Variants in MIB1 observed in about 807,000 individuals in gnomAD.
MIB1 encodes the protein MIB E3 ubiquitin protein ligase 1, also known as E3 ubiquitin-protein ligase MIB1.
MIB1 carries 278 observed loss-of-function variants against 124.5 expected under a neutral mutation model. The observed-to-expected ratio is 2.23, with a 90% CI of 2.02 to 2.47. The LOEUF (loss-of-function observed/expected upper bound fraction) is 2.47, where lower values mean the gene tolerates loss of function less well. MIB1 is among the 30% of genes most tolerant of loss of function. The pLI is 0.00. For missense variants in MIB1, 957 were observed against 1,254.4 expected (o/e 0.76, Z 3.58); for synonymous variants, 446 against 429.4 (o/e 1.04, Z -0.48).
At chr18:21,779,893 T>C (rs1035418908) in intron 6 of MIB1, among the ~76,000 whole-genome samples, 13 of 148,794 alleles carry the variant, frequency 8.7e-5, no homozygotes, top group Admixed American at 2.0e-4. Context: ...TGTGTGTGTC[T>C]TGTGTGTGTA....
intron 1 of MIB1, among the ~76,000 whole-genome samples, chr18:21,721,158 A>ATTTTTT (rs1400884705): frequency 1.4e-5 from 1 of 73,084 alleles, no homozygotes; most frequent in Non-Finnish European, 2.8e-5. Context: ...ATTTTAAAGA[A>ATTTTTT]GTTTTTTTTT....
chr18:21,787,711 A>G (rs1274497137), intron 6 of MIB1, among the ~76,000 whole-genome samples: 4 of 150,024 alleles, frequency 2.7e-5, no homozygotes, highest in Non-Finnish European at 5.9e-5. Flanking sequence ...TTTCAGCTTC[A>G]GACTTGAGTT....
At chr18:21,740,392 A>T (rs563644430), upstream of MIB1, among the ~76,000 whole-genome samples, 2 of 152,360 alleles carry the variant, frequency 1.3e-5, no homozygotes, top group South Asian at 2.1e-4. Flanking sequence ...TTAAAAACAC[A>T]CTACTAACCT....
At chr18:21,802,661 A>AT (rs1397524001) in intron 9 of MIB1, among the ~76,000 whole-genome samples, 6 of 152,162 alleles carry the variant, frequency 3.9e-5, no homozygotes, top group Admixed American at 3.9e-4. Flanking sequence ...CGTCAGAGCC[A>AT]TTCCTTAGAT....
intron 11 of MIB1, chr18:21,817,578 G>T: frequency 3.1e-6 from 1 of 325,986 alleles, no homozygotes; most frequent in South Asian, 2.6e-5. Flanking sequence ...AAATGAATGG[G>T]TGTGGCTGTG....
chr18:21,813,451 C>A (rs1276048902), intron 10 of MIB1, among the ~76,000 whole-genome samples: 1 of 152,076 alleles, frequency 6.6e-6, no homozygotes, highest in Non-Finnish European at 1.5e-5. Context: ...CACAAGACCC[C>A]CAGGGAAAAG....
intron 10 of MIB1, among the ~76,000 whole-genome samples, chr18:21,814,228 T>G (rs1234061302): frequency 6.6e-6 from 1 of 152,190 alleles, no homozygotes; most frequent in East Asian, 1.9e-4. Context: ...TTTGGTAGTT[T>G]ATGCTTCGTT....
intron 12 of MIB1, among the ~76,000 whole-genome samples, chr18:21,821,077 A>G (rs995661863): frequency 2.0e-5 from 3 of 152,022 alleles, no homozygotes; most frequent in Non-Finnish European, 2.9e-5. Context: ...CATTCTACCA[A>G]TCCTTCCAAC....
chr18:21,721,956 T>C (rs1054853548), intron 1 of MIB1, among the ~76,000 whole-genome samples: 1 of 152,168 alleles, frequency 6.6e-6, no homozygotes, highest in African/African-American at 2.4e-5. Context: ...TAGTTTTCTA[T>C]TAATGTTCTA....
chr18:21,815,667 G>C lies in MIB1; in HGVS notation c.1531G>C (p.Ala511Pro). ...CCATGCAGCTTTTGGAGATGAAGGC[G>C]CTGTTATAGAAGTACTACATCGAGG... ...VHHAAFGDEG[A>P]VIEVLHRGSA... Residue 511 changes from alanine to proline, a missense_variant, in exon 11 of 21, where the codon GCT (alanine) becomes CCT (proline). Coordinates refer to ENST00000261537, the MANE Select transcript of MIB1 (RefSeq NM_020774.4). 1 of 1,614,124 alleles carries C rather than the reference G, an allele frequency of 6.2e-7. No individual in the cohort carries two copies. The highest frequency in any genetic ancestry group is 8.5e-7 in the Non-Finnish European group (1 of 1,180,014).
intron 1 of MIB1, among the ~76,000 whole-genome samples, chr18:21,742,747 A>G (rs1411989600): frequency 6.6e-6 from 1 of 152,182 alleles, no homozygotes; most frequent in Non-Finnish European, 1.5e-5. Flanking sequence ...AAAATAGTTC[A>G]CATTTAAAAT....
intron 13 of MIB1, among the ~76,000 whole-genome samples, chr18:21,839,284 A>C (rs975687416): frequency 3.3e-5 from 5 of 151,858 alleles, no homozygotes; most frequent in Non-Finnish European, 7.4e-5. Flanking sequence ...AAGTTAAGCC[A>C]CCTCCCCCCC....
At chr18:21,710,614 G>A (rs1301836468) in intron 1 of MIB1, among the ~76,000 whole-genome samples, 1 of 151,926 alleles carries the variant, frequency 6.6e-6, no homozygotes, top group Non-Finnish European at 1.5e-5. Context: ...GCCAGGTGTG[G>A]TAGTGCATGC....
rs151062406 is a variant in MIB1, at chr18:21,767,968, C to G, written c.402-655C>G. Among the ~76,000 whole-genome samples the G allele has an allele frequency of 1.5e-3, 235 of 152,292 alleles. 2 individuals carry two copies. The highest frequency in any genetic ancestry group is 5.2e-3 in the African/African-American group (216 of 41,580). ...CAGAAGACTATCAGTACTGGGCTTA[C>G]GTTTGTTCTTGGCAACAGTTTGTTG... On this transcript the variant is annotated intron_variant, in intron 2 of 20. Transcript: ENST00000261537.
intron 12 of MIB1, chr18:21,826,305 A>G (rs945025685): frequency 3.9e-5 from 6 of 153,140 alleles, no homozygotes; most frequent in African/African-American, 1.2e-4. Context: ...GGGTGTAGGA[A>G]TATCAGTGGC....
intron 12 of MIB1, chr18:21,827,263 G>A (rs1416392251): frequency 3.3e-5 from 5 of 152,014 alleles, no homozygotes; most frequent in African/African-American, 4.8e-5. Context: ...ATTTTAGAGT[G>A]ATTGAAAATA....
chr18:21,779,666 C>T lies in MIB1; in HGVS notation c.889C>T (p.Gln297Ter), dbSNP rs750183047. The change falls in exon 6 of 21, where the codon CAG becomes TAG. Residue 297 changes from glutamine (Q) to a stop codon, truncating the protein, a stop_gained. Transcript: ENST00000261537. LOFTEE classifies it high-confidence loss of function. ...TGATGAAGATCATGACATTGTAGTACAGTATCCAAGTGGCAATAGGTGGGT... is the reference window on the plus strand; with the variant it reads ...TGATGAAGATCATGACATTGTAGTATAGTATCCAAGTGGCAATAGGTGGGT... ...GIDEDHDIVV[Q>*]YPSGNRWTFN... 2.5e-6 allele frequency: 4 copies of T among 1,613,840 alleles called. No homozygotes were observed. The highest frequency in any genetic ancestry group is 2.2e-5 in the East Asian group (1 of 44,868).
chr18:21,815,195 G>T (rs1385407236), intron 10 of MIB1, among the ~76,000 whole-genome samples: 1 of 150,904 alleles, frequency 6.6e-6, no homozygotes, highest in Non-Finnish European at 1.5e-5. Flanking sequence ...TAGAGACAGG[G>T]TCTCACTCTG....
chr18:21,760,008 G>C (rs1410426383), intron 1 of MIB1, among the ~76,000 whole-genome samples: 1 of 152,188 alleles, frequency 6.6e-6, no homozygotes, highest in East Asian at 1.9e-4. Flanking sequence ...ACTTAGAGCA[G>C]ATGGTCATTT....
Sources: allele counts gnomAD v4.1 joint callset (sites outside exome capture counted in the v4.1 genomes callset), GRCh38; gene constraint gnomAD v4.1.1; transcripts MANE v1.5; gene names NCBI Gene and HGNC (gene_info 2026-07-23, HGNC 2026-07-21).